Variants in EPHB1 observed in about 807,000 individuals in gnomAD.
EPHB1 encodes the protein EPH receptor B1.
In EPHB1, 30 loss-of-function variants were observed where a neutral mutation model predicts 94.4. The observed-to-expected ratio is 0.32, with a 90% confidence interval of 0.24 to 0.43. The LOEUF is 0.43. Among genes scored for constraint, EPHB1 ranks in the 20% least tolerant of loss-of-function variants. EPHB1 has a pLI of 1.00. For missense variants in EPHB1, 1,055 were observed against 1,308.3 expected (o/e 0.81, Z 2.99); for synonymous variants, 522 against 489.1 (o/e 1.07, Z -0.89).
At chr3:135,052,519 G>A (rs1261445929) in intron 3 of EPHB1, among the ~76,000 whole-genome samples, 4 of 152,046 alleles carry the variant, frequency 2.6e-5, no homozygotes, top group African/African-American at 9.7e-5. Context: ...CTGTGGCCAA[G>A]TCATGGTGTC....
chr3:135,162,236 A>T (rs1941530198), intron 7 of EPHB1, 56 bp downstream of exon 7: 1 of 1,497,588 alleles, frequency 6.7e-7, no homozygotes, highest in Non-Finnish European at 8.9e-7. Context: ...TGGGAGAAAA[A>T]GTAGCCCCAA....
intron 3 of EPHB1, among the ~76,000 whole-genome samples, chr3:134,996,906 T>A (rs937923418): frequency 6.6e-6 from 1 of 152,182 alleles, no homozygotes; most frequent in Non-Finnish European, 1.5e-5. Context: ...AGGCCTGTAG[T>A]TTTTTAGCAA....
intron 4 of EPHB1, among the ~76,000 whole-genome samples, chr3:135,112,462 A>G (rs1939487630): frequency 6.6e-6 from 1 of 151,930 alleles, no homozygotes; most frequent in South Asian, 2.1e-4. Flanking sequence ...TTACATATAC[A>G]TGTGCCATGT....
chr3:135,146,037 C>G (rs1483978828), intron 5 of EPHB1, among the ~76,000 whole-genome samples: 1 of 152,146 alleles, frequency 6.6e-6, no homozygotes. Flanking sequence ...CTTTATTGCA[C>G]TGATGGAGAG....
At chr3:135,220,991 T>C (rs961073332) in intron 12 of EPHB1, among the ~76,000 whole-genome samples, 2 of 152,210 alleles carry the variant, frequency 1.3e-5, no homozygotes, top group Non-Finnish European at 2.9e-5. Flanking sequence ...CCCTGTCATT[T>C]TGAAAACCTT....
chr3:134,887,862 C>T (rs2037890707), intron 1 of EPHB1, among the ~76,000 whole-genome samples: 2 of 152,218 alleles, frequency 1.3e-5, no homozygotes, highest in African/African-American at 4.8e-5. Flanking sequence ...GGTACTATTT[C>T]CCACTTGGAG....
Position 134,921,312 on chromosome 3 carries a change from C to T in EPHB1, c.59-4504C>T, listed in dbSNP as rs568927186. ...ATACTCCATTCTTCCCTCCTCACCA[C>T]TGCCCACCCCTTTCCAGGAAACCTC... On this transcript the variant is annotated intron_variant, in intron 1 of 15. Transcript: ENST00000398015. Among the ~76,000 whole-genome samples the T allele has an allele frequency of 2.0e-5, 3 of 152,338 alleles. No homozygotes were observed. In the South Asian group the frequency reaches 6.2e-4, roughly 32 times the overall value.
rs1468409883 is a variant in EPHB1 at position 135,132,698 on chromosome 3, C to T, written c.962-16C>T. The T allele has an allele frequency of 1.3e-6, 2 of 1,558,456 alleles. No individual in the cohort carries two copies. Among genetic ancestry groups the T allele is most frequent in the African/African-American group, 1.3e-5 (1 of 74,134 alleles). On this transcript the variant is annotated splice_polypyrimidine_tract_variant and intron_variant, in intron 4 of 15. Transcript: ENST00000398015. ...CTTATGTCTAGCCTCACTGGACCTT[C>T]TTTGTCTCCCTGCAGGCGTCCCATC... is the stretch of plus-strand genomic sequence containing the variant.
At chr3:134,945,849 C>G (rs1042938878) in intron 2 of EPHB1, among the ~76,000 whole-genome samples, 1 of 152,190 alleles carries the variant, frequency 6.6e-6, no homozygotes, top group Admixed American at 6.5e-5. Context: ...GAACTAGAAC[C>G]AGCACAGGCT....
At chr3:134,832,096 A>G (rs2036591998) in intron 1 of EPHB1, among the ~76,000 whole-genome samples, 1 of 152,252 alleles carries the variant, frequency 6.6e-6, no homozygotes, top group Non-Finnish European at 1.5e-5. Flanking sequence ...TTTAAGCACA[A>G]AATATTGTGT....
At chr3:134,900,784 A>G (rs767351303) in intron 1 of EPHB1, among the ~76,000 whole-genome samples, 4 of 152,052 alleles carry the variant, frequency 2.6e-5, no homozygotes, top group Admixed American at 6.6e-5. Flanking sequence ...CATGGTGTGC[A>G]TTTGTGTGTT....
intron 4 of EPHB1, among the ~76,000 whole-genome samples, chr3:135,120,115 A>G (rs1324529144): frequency 6.6e-6 from 1 of 152,202 alleles, no homozygotes; most frequent in Non-Finnish European, 1.5e-5. Context: ...TTTCTTCAAG[A>G]TGAATCTTAC....
At chr3:135,075,874 G>A (rs547486404) in intron 3 of EPHB1, among the ~76,000 whole-genome samples, 1 of 152,318 alleles carries the variant, frequency 6.6e-6, no homozygotes. Context: ...CTTGGCACCT[G>A]TAGGTAACGT....
intron 1 of EPHB1, among the ~76,000 whole-genome samples, chr3:134,913,663 C>T (rs1176042999): frequency 6.6e-6 from 1 of 152,202 alleles, no homozygotes; most frequent in Non-Finnish European, 1.5e-5. Flanking sequence ...AGCCCACTTC[C>T]ATCAAGGGGT....
chr3:134,830,581 G>A (rs1372435181), intron 1 of EPHB1, among the ~76,000 whole-genome samples: 3 of 152,180 alleles, frequency 2.0e-5, no homozygotes. Context: ...CTCAGAGAAA[G>A]GCAGCATGGT....
intron 5 of EPHB1, among the ~76,000 whole-genome samples, chr3:135,140,629 G>A (rs1248096863): frequency 6.6e-6 from 1 of 152,118 alleles, no homozygotes; most frequent in African/African-American, 2.4e-5. Flanking sequence ...AAGACCTCAG[G>A]CTTCCTGTGT....
chr3:135,229,328 G>T (rs1025536999), intron 12 of EPHB1, among the ~76,000 whole-genome samples: 6 of 152,212 alleles, frequency 3.9e-5, no homozygotes, highest in South Asian at 4.1e-4. Context: ...TGACTTAGTT[G>T]TAACTGCTGG....
intron 8 of EPHB1, among the ~76,000 whole-genome samples, chr3:135,166,730 G>C (rs539209996): frequency 6.6e-6 from 1 of 152,230 alleles, no homozygotes; most frequent in Non-Finnish European, 1.5e-5. Flanking sequence ...CAAGACCTTG[G>C]CTGGAAAGCA....
chr3:134,962,548 AG>A (rs1423767596), intron 3 of EPHB1, among the ~76,000 whole-genome samples: 1 of 152,204 alleles, frequency 6.6e-6, no homozygotes, highest in African/African-American at 2.4e-5. Flanking sequence ...AGTCTCAGGA[AG>A]GCCGAATCTG....
Sources: allele counts gnomAD v4.1 joint callset (sites outside exome capture counted in the v4.1 genomes callset), GRCh38; gene constraint gnomAD v4.1.1; transcripts MANE v1.5; gene names NCBI Gene and HGNC (gene_info 2026-07-23, HGNC 2026-07-21).